CEP72: variants seen among roughly 807,000 people sequenced by gnomAD.
CEP72 encodes centrosomal protein 72.
In CEP72, 78 loss-of-function variants were observed where a neutral mutation model predicts 65.7. The observed-to-expected ratio is 1.19, with a 90% CI of 0.99 to 1.43. The LOEUF is 1.43. CEP72 is among the 40% of genes most tolerant of loss of function. The pLI, the probability that CEP72 is intolerant of heterozygous loss-of-function variation, is 0.00. For missense variants in CEP72, 914 were observed against 832.9 expected (o/e 1.10, Z -1.20); for synonymous variants, 358 against 351.7 (o/e 1.02, Z -0.20).
At chr5:647,772 T>C (rs1738515980) in intron 10 of CEP72, 33 bp from the exon 11 acceptor site, 2 of 1,435,836 alleles carry the variant, frequency 1.4e-6, no homozygotes, top group East Asian at 4.5e-5. Context: ...GTTTTACTCA[T>C]TAATGGTACT....
At chr5:620,928 G>C (rs1048591186) in intron 3 of CEP72, among the ~76,000 whole-genome samples, 2 of 152,218 alleles carry the variant, frequency 1.3e-5, no homozygotes, top group African/African-American at 2.4e-5. Flanking sequence ...GTGAGCACCT[G>C]GTGGTGTCTC....
intron 3 of CEP72, among the ~76,000 whole-genome samples, chr5:620,597 C>G (rs936968836): frequency 5.3e-5 from 8 of 152,228 alleles, no homozygotes; most frequent in African/African-American, 1.9e-4. Flanking sequence ...TGTCCTGTTT[C>G]CTCGCATAGC....
In CEP72 at chr5:612,348, G is replaced by A. The variant is rs746810417; in HGVS notation, c.-14G>A. On this transcript the variant is annotated 5_prime_UTR_variant, in exon 1 of 12. Transcript: ENST00000264935. ...CCCGCCGCGCAGGCGCCGTCCGAGG[G>A]CTCCGTTTGAAACATGGCGCGGGCT... The A allele has an allele frequency of 6.9e-5, 102 of 1,485,818 alleles. No homozygotes were observed. The highest frequency in any genetic ancestry group is 5.7e-5 in the Non-Finnish European group (64 of 1,123,430). 92.0% of individuals were successfully genotyped at this position (1,485,818 alleles called of 1,614,324 possible). A position where few individuals can be genotyped will look rare whatever the true frequency, so the allele number is the denominator to read the frequency against.
Position 633,782 on chromosome 5 carries a change from A to AGAGCCAAGTGCACCGAGGCC in CEP72, c.527_546dup (p.Leu183GlufsTer23), listed in dbSNP as rs1251944477. 6.2e-7 allele frequency: 1 copy of AGAGCCAAGTGCACCGAGGCC among 1,614,096 alleles called. No individual in the cohort carries two copies. Among genetic ancestry groups the AGAGCCAAGTGCACCGAGGCC allele is most frequent in the African/African-American group, 1.3e-5 (1 of 75,064 alleles). ...TTTTCCTTACAGACCACACCACCCCAGAGCCAAGTGCACCGAGGCCTTGGC... is the reference window on the plus strand; with the variant it reads ...TTTTCCTTACAGACCACACCACCCCAGAGCCAAGTGCACCGAGGCCGAGCCAAGTGCACCGAGGCCTTGGC... On this transcript the variant is annotated frameshift_variant, in exon 5 of 12. Transcript: ENST00000264935. LOFTEE classifies it high-confidence loss of function.
At chr5:654,629 G>C (rs1739321820), downstream of CEP72, among the ~76,000 whole-genome samples, 3 of 152,220 alleles carry the variant, frequency 2.0e-5, no homozygotes, top group Non-Finnish European at 4.4e-5. Flanking sequence ...ATTTTCTGTA[G>C]GGTTGGGATG....
At chr5:641,603 C>T (rs980316091) in intron 9 of CEP72, 55 of 983,442 alleles carry the variant, frequency 5.6e-5, no homozygotes, top group Non-Finnish European at 6.0e-5. Flanking sequence ...AGCCTCTGCA[C>T]GTGGCCTTCA....
At chr5:622,313 T>C (rs928459947) in intron 3 of CEP72, among the ~76,000 whole-genome samples, 3 of 152,244 alleles carry the variant, frequency 2.0e-5, no homozygotes, top group Non-Finnish European at 4.4e-5. Flanking sequence ...AAAAGTGACT[T>C]GAGGAGCTGA....
At position 624,426 on chromosome 5, in the gene CEP72, C is replaced by T. The variant is rs777513482; in HGVS notation, c.404-45C>T. On this transcript the variant is annotated intron_variant, in intron 3 of 11. Coordinates refer to ENST00000264935, the MANE Select transcript of CEP72 (RefSeq NM_018140.4). The surrounding 1 kb of genome is among the most constrained non-coding windows in gnomAD (Gnocchi z 4.7). ...GATGCCCCAGGGTGGATGCAGCCGC[C>T]CGCCGCTTGCCACCTGCACAGTCTT... 4.1e-6 allele frequency: 6 copies of T among 1,472,470 alleles called. No homozygotes were observed. In the African/African-American group the frequency reaches 7.0e-5, roughly 17 times the overall value. The allele number at this position is 1,472,470 out of a possible 1,614,324, so 91.2% of individuals were successfully genotyped here. A position where few individuals can be genotyped will look rare whatever the true frequency, so the allele number is the denominator to read the frequency against.
At chr5:628,430 T>G (rs111988116) in intron 4 of CEP72, among the ~76,000 whole-genome samples, 4,515 of 79,918 alleles carry the variant, frequency 0.056, 89 homozygotes, top group African/African-American at 0.13. Context: ...GCCCCGGGGA[T>G]TGGCCCCAGG....
intron 9 of CEP72, chr5:643,092 T>G (rs1225906700): frequency 2.0e-6 from 2 of 979,532 alleles, no homozygotes; most frequent in Admixed American, 6.1e-5. Flanking sequence ...CACACTCCTG[T>G]CATCCCAGCT....
At chr5:654,995 C>T (rs1340451113), downstream of CEP72, among the ~76,000 whole-genome samples, 1 of 152,126 alleles carries the variant, frequency 6.6e-6, no homozygotes, top group Non-Finnish European at 1.5e-5. Context: ...TCTTTTCTTC[C>T]ACTTGCCTAA....
At chr5:672,281 C>G in the CEP72 span, among the ~76,000 whole-genome samples, 1 of 151,236 alleles carries the variant, frequency 6.6e-6, no homozygotes, top group Non-Finnish European at 1.5e-5. Flanking sequence ...CCTGGCCCTG[C>G]TGTTCTCAGT....
rs1304646292 is a variant in CEP72 at position 647,830 on chromosome 5, G to T, written c.1692G>T (p.Leu564=). Residue 564 remains leucine (L), a synonymous_variant, in exon 11 of 12, where the codon CTG becomes CTT. Coordinates refer to ENST00000264935, the MANE Select transcript of CEP72 (RefSeq NM_018140.4). ...GACTTCAAACAAGTGTGAAGAGGCT[G>T]TGTGGCGAGATTGTGGAACTGAAGC... ...IAGLQTSVKR[L]CGEIVELKQH... is the part of the protein sequence containing the mutation. 31 of 1,612,406 alleles carry T rather than the reference G, an allele frequency of 1.9e-5. No homozygotes were observed. Among genetic ancestry groups the T allele is most frequent in the Non-Finnish European group, 2.6e-5 (31 of 1,179,834 alleles).
Position 623,088 on chromosome 5 carries a change from G to A in CEP72, c.404-1383G>A, listed in dbSNP as rs907159599. Among the ~76,000 whole-genome samples the A allele has an allele frequency of 6.6e-6, 1 of 151,326 alleles. No homozygotes were observed. The highest frequency in any genetic ancestry group is 1.5e-5 in the Non-Finnish European group (1 of 67,934). On this transcript the variant is annotated intron_variant, in intron 3 of 11. Transcript: ENST00000264935. This position sits in a 1 kb window ranked among gnomAD's most constrained non-coding sequence, Gnocchi z 5.3. ...TCCCTCTTAGTGTTTCTGCAGAGAA[G>A]GAGCGCGACCGTCTCCCTCTTAGTG...
chr5:669,516 G>A (rs1251752443), downstream of CEP72, among the ~76,000 whole-genome samples: 1 of 152,162 alleles, frequency 6.6e-6, no homozygotes, highest in Non-Finnish European at 1.5e-5. Context: ...GGCCGTCAAA[G>A]GCTCTCCTGT....
At chr5:622,106 T>C (rs1334562642) in intron 3 of CEP72, among the ~76,000 whole-genome samples, 1 of 152,252 alleles carries the variant, frequency 6.6e-6, no homozygotes, top group Non-Finnish European at 1.5e-5. Flanking sequence ...ACTGCTTTGC[T>C]ACTTGGAGAA....
At position 637,770 on chromosome 5, in the gene CEP72, C is replaced by T. The variant is rs1192133387; in HGVS notation, c.1158C>T (p.Ala386=). 1 of 1,606,532 alleles carries T rather than the reference C, an allele frequency of 6.2e-7. No homozygotes were observed. Among genetic ancestry groups the T allele is most frequent in the Non-Finnish European group, 8.5e-7 (1 of 1,175,956 alleles). The stretch of plus-strand genomic sequence containing the variant: ...GGAGGACCTTGTCTCAGCCTGAGGC[C>T]TCGGAGACTGAGGAGCAGAGGTCTC... The part of the protein sequence containing the change: ...RNGRTLSQPE[A]SETEEQRSRG... The change falls in exon 7 of 12, where the codon GCC becomes GCT. Residue 386 remains alanine, a synonymous_variant. Transcript: ENST00000264935.
downstream of CEP72, among the ~76,000 whole-genome samples, chr5:653,998 C>CTG (rs960727548): frequency 2.1e-5 from 3 of 142,408 alleles, no homozygotes; most frequent in African/African-American, 5.3e-5. Context: ...TGTGCCCTTG[C>CTG]TGTGTGTGTG....
rs762200970 is a variant in CEP72, at chr5:619,020, C to A, written c.113C>A (p.Thr38Asn). 14 of 1,611,894 alleles carry A rather than the reference C, an allele frequency of 8.7e-6. No homozygotes were observed. Among genetic ancestry groups the A allele is most frequent in the Non-Finnish European group, 1.2e-5 (14 of 1,178,082 alleles). Residue 38 changes from threonine (T) to asparagine (N), a missense_variant, in exon 2 of 12, where the codon ACT becomes AAT. Thr to Asn is a moderately conservative substitution (Grantham distance 65). Coordinates refer to ENST00000264935, the MANE Select transcript of CEP72 (RefSeq NM_018140.4). ...AELQSLSIPG[T>N]YQEKITHLGH... ...CTTCAGTCATTGTCTATTCCTGGAA[C>A]TTACCAAGAGAAGATCACCCACCTG...
Sources: allele counts gnomAD v4.1 joint callset (sites outside exome capture counted in the v4.1 genomes callset), GRCh38; gene constraint gnomAD v4.1.1; non-coding constraint Gnocchi (gnomAD v3.1); transcripts MANE v1.5; gene names NCBI Gene and HGNC (gene_info 2026-07-23, HGNC 2026-07-21).